DLG2: variants seen among roughly 807,000 people sequenced by gnomAD.
DLG2 encodes discs large MAGUK scaffold protein 2, also known as disks large homolog 2.
In DLG2, 45 loss-of-function variants were observed where a neutral mutation model predicts 132.5. That is an observed-to-expected ratio of 0.34 (90% CI 0.27 to 0.44). The LOEUF (loss-of-function observed/expected upper bound fraction) is 0.44. Among genes scored for constraint, DLG2 ranks in the 20% least tolerant of loss-of-function variants. The probability of loss-of-function intolerance (pLI) is 1.00; values close to 1 mark genes in which losing one functional copy is unlikely to be tolerated. For synonymous variants in DLG2, 424 were observed against 419.6 expected, an observed-to-expected ratio of 1.01 and a Z score of -0.13; for missense variants, 1,045 against 1,196.9, an observed-to-expected ratio of 0.87 and a Z score of 1.87.
intron 4 of DLG2, among the ~76,000 whole-genome samples, chr11:85,166,695 A>T (rs920814461): frequency 2.6e-5 from 4 of 152,192 alleles, no homozygotes; most frequent in Non-Finnish European, 5.9e-5. Flanking sequence ...TATCTTCTCC[A>T]TTCAAGCAGA....
At chr11:84,134,508 C>G (rs2094530665) in intron 9 of DLG2, among the ~76,000 whole-genome samples, 1 of 152,034 alleles carries the variant, frequency 6.6e-6, no homozygotes, top group Admixed American at 6.6e-5. Context: ...AGCTTAGCTT[C>G]TTATCTTCTG....
At chr11:85,459,888 G>C (rs2092549231) in intron 3 of DLG2, among the ~76,000 whole-genome samples, 1 of 152,174 alleles carries the variant, frequency 6.6e-6, no homozygotes, top group South Asian at 2.1e-4. Flanking sequence ...TAAGGTCCAG[G>C]ACTCATGTGT....
At chr11:84,251,637 CTTTCTTTTTTTTTTT>C (rs2097374970) in intron 7 of DLG2, among the ~76,000 whole-genome samples, 1 of 130,040 alleles carries the variant, frequency 7.7e-6, no homozygotes, top group Admixed American at 8.2e-5. Flanking sequence ...TGTATCTTTT[CTTTCTTTTTTTTTTT>C]TTTTTGTGAG....
intron 4 of DLG2, among the ~76,000 whole-genome samples, chr11:85,210,715 G>A (rs1285541088): frequency 6.6e-6 from 1 of 152,044 alleles, no homozygotes; most frequent in East Asian, 1.9e-4. Context: ...AGCACAGCAG[G>A]AATAATACTT....
chr11:85,407,406 A>G (rs1223673487), intron 3 of DLG2, among the ~76,000 whole-genome samples: 1 of 151,842 alleles, frequency 6.6e-6, no homozygotes, highest in Admixed American at 6.6e-5. Flanking sequence ...CCTGTGTTCA[A>G]ACCCTAACTC....
At chr11:85,163,669 AC>A (rs1213755551) in intron 4 of DLG2, among the ~76,000 whole-genome samples, 1 of 152,156 alleles carries the variant, frequency 6.6e-6, no homozygotes, top group Non-Finnish European at 1.5e-5. Context: ...TCCACCTACT[AC>A]CTATGTGGAA....
chr11:84,744,003 C>T (rs1230898253), intron 6 of DLG2, among the ~76,000 whole-genome samples: 2 of 152,188 alleles, frequency 1.3e-5, no homozygotes, highest in South Asian at 2.1e-4. Flanking sequence ...GAATTACAGG[C>T]ATGAGCCACC....
At chr11:83,787,804 G>A (rs144065368) in intron 17 of DLG2, among the ~76,000 whole-genome samples, 2 of 152,272 alleles carry the variant, frequency 1.3e-5, no homozygotes, top group African/African-American at 4.8e-5. Context: ...AGGGTGAAAG[G>A]CATTCTTAAC....
At chr11:85,097,310 G>A (rs1032165938) in intron 6 of DLG2, among the ~76,000 whole-genome samples, 2 of 152,132 alleles carry the variant, frequency 1.3e-5, no homozygotes, top group East Asian at 1.9e-4. Flanking sequence ...GCCCCGTCAG[G>A]CAGGGGACTA....
At chr11:84,669,037 T>C (rs1595359027) in intron 6 of DLG2, among the ~76,000 whole-genome samples, 1 of 151,964 alleles carries the variant, frequency 6.6e-6, no homozygotes, top group African/African-American at 2.4e-5. Context: ...TCTTGAGAAA[T>C]GTGATGGGGA....
chr11:84,683,242 A>G (rs545936927), intron 6 of DLG2, among the ~76,000 whole-genome samples: 6 of 152,136 alleles, frequency 3.9e-5, no homozygotes, highest in Non-Finnish European at 8.8e-5. Flanking sequence ...GTTGTGACCA[A>G]CTAAGAGAAT....
At chr11:84,807,570 A>C (rs2076139104) in intron 6 of DLG2, among the ~76,000 whole-genome samples, 1 of 152,240 alleles carries the variant, frequency 6.6e-6, no homozygotes, top group African/African-American at 2.4e-5. Context: ...GATTATCAGA[A>C]TGGGTTAAAA....
In DLG2 at chr11:85,191,164, A is replaced by G. The variant is rs753258437; in HGVS notation, c.187-36513T>C. On this transcript the variant is annotated intron_variant, in intron 4 of 27. Coordinates refer to ENST00000376104, the MANE Select transcript of DLG2 (RefSeq NM_001142699.3). ...TGCATGCGCGCGCGCGCACGCGCGC[A>G]CACACACACACACACACACACACAC... is the stretch of plus-strand genomic sequence containing the variant. Among the ~76,000 whole-genome samples the G allele has an allele frequency of 6.9e-3, 628 of 91,090 alleles. 1 individual carries two copies. The highest frequency in any genetic ancestry group is 0.013 in the African/African-American group (294 of 22,860). The allele number at this position is 91,090 out of a possible 152,430, so 59.8% of individuals were successfully genotyped here.
intron 5 of DLG2, among the ~76,000 whole-genome samples, chr11:85,128,839 A>T (rs1415545558): frequency 6.6e-6 from 1 of 152,138 alleles, no homozygotes; most frequent in Non-Finnish European, 1.5e-5. Context: ...GATCATACTG[A>T]GGGGTATTCA....
intron 19 of DLG2, among the ~76,000 whole-genome samples, chr11:83,608,525 A>G (rs908819729): frequency 1.3e-5 from 2 of 152,166 alleles, no homozygotes. Context: ...AATGTTGATT[A>G]TCTCATGTAA....
chr11:85,064,505 C>A (rs1439186742), intron 6 of DLG2, among the ~76,000 whole-genome samples: 2 of 151,640 alleles, frequency 1.3e-5, no homozygotes, highest in African/African-American at 2.4e-5. Context: ...ACAAATCAAT[C>A]TAATATACAG....
chr11:85,116,034 C>T (rs1377051670), intron 5 of DLG2, among the ~76,000 whole-genome samples: 1 of 151,918 alleles, frequency 6.6e-6, no homozygotes, highest in Non-Finnish European at 1.5e-5. Context: ...AGCTGTCTTA[C>T]TCATCCGTGA....
chr11:84,897,384 A>G (rs763321730), intron 6 of DLG2, among the ~76,000 whole-genome samples: 1 of 151,888 alleles, frequency 6.6e-6, no homozygotes, highest in Non-Finnish European at 1.5e-5. Context: ...TATAAGCAAT[A>G]TAGCTTAAGC....
At chr11:84,388,717 C>T (rs1043853295) in intron 7 of DLG2, among the ~76,000 whole-genome samples, 6 of 150,586 alleles carry the variant, frequency 4.0e-5, no homozygotes, top group South Asian at 4.2e-4. Flanking sequence ...AAAAAGGAAA[C>T]GAGGAAGAAG....
Sources: allele counts gnomAD v4.1 joint callset (sites outside exome capture counted in the v4.1 genomes callset), GRCh38; gene constraint gnomAD v4.1.1; transcripts MANE v1.5; gene names NCBI Gene and HGNC (gene_info 2026-07-23, HGNC 2026-07-21).